Variants in SNTG2 observed in about 807,000 individuals in gnomAD.
SNTG2 encodes the protein gamma-2-syntrophin.
In SNTG2, 74 loss-of-function variants were observed where a neutral mutation model predicts 70.9. That is an observed-to-expected ratio of 1.04 (90% CI 0.86 to 1.27). The LOEUF (loss-of-function observed/expected upper bound fraction) is 1.27, where lower values mean the gene tolerates loss of function less well. Among genes scored for constraint, SNTG2 ranks in the 50% most tolerant of loss-of-function variants. The probability of loss-of-function intolerance (pLI) is 0.00; values close to 1 mark genes in which losing one functional copy is unlikely to be tolerated. For synonymous variants in SNTG2, 278 were observed against 273.8 expected, an observed-to-expected ratio of 1.02 and a Z score of -0.15; for missense variants, 717 against 690.7, an observed-to-expected ratio of 1.04 and a Z score of -0.43.
intron 4 of SNTG2, among the ~76,000 whole-genome samples, chr2:1,118,838 A>G (rs1038532121): frequency 6.6e-6 from 1 of 152,148 alleles, no homozygotes; most frequent in African/African-American, 2.4e-5. Context: ...AAAAAAGGAC[A>G]GAAAGGTTAT....
At chr2:990,307 C>A (rs1481910260) in intron 1 of SNTG2, among the ~76,000 whole-genome samples, 1 of 152,202 alleles carries the variant, frequency 6.6e-6, no homozygotes, top group African/African-American at 2.4e-5. Context: ...CCACCAGAGG[C>A]ATCTCAGTCA....
chr2:992,414 GTATT>G (rs1412334018), intron 1 of SNTG2, among the ~76,000 whole-genome samples: 2 of 152,222 alleles, frequency 1.3e-5, no homozygotes, highest in East Asian at 3.9e-4. Flanking sequence ...TCTTGATACA[GTATT>G]TAGTATTTAG....
intron 1 of SNTG2, among the ~76,000 whole-genome samples, chr2:1,003,634 G>A (rs1201546899): frequency 1.3e-5 from 2 of 152,188 alleles, no homozygotes; most frequent in Non-Finnish European, 2.9e-5. Flanking sequence ...TGGCAGGTGA[G>A]AATGGTTAGG....
rs1558349479 is a variant in SNTG2, at chr2:1,056,963, AGG to A, written c.73-26553_73-26552del. Among the ~76,000 whole-genome samples the A allele has an allele frequency of 8.1e-4, 56 of 69,080 alleles. 4 individuals carry two copies. The highest frequency in any genetic ancestry group is 3.3e-3 in the African/African-American group (55 of 16,746). The allele number at this position is 69,080 out of a possible 152,430, so 45.3% of individuals were successfully genotyped here. ...GCGCGGCGCCCCGCTGTGGGGAGGG[AGG>A]GAGGGAGAGCGCGGGGCCACCCCGT... On this transcript the variant is annotated intron_variant, in intron 1 of 16. Transcript: ENST00000308624.
At chr2:951,714 G>C (rs556137445) in intron 1 of SNTG2, among the ~76,000 whole-genome samples, 2 of 152,324 alleles carry the variant, frequency 1.3e-5, no homozygotes, top group African/African-American at 4.8e-5. Context: ...TTGGCCCAAA[G>C]AAAAACGAAA....
intron 12 of SNTG2, among the ~76,000 whole-genome samples, chr2:1,257,399 G>A (rs1572876404): frequency 6.6e-6 from 1 of 152,152 alleles, no homozygotes; most frequent in Admixed American, 6.5e-5. Flanking sequence ...ATCCCCAGGG[G>A]GAGACACGGC....
At position 1,307,379 on chromosome 2, in the gene SNTG2, T is replaced by C. The variant is rs551707334; in HGVS notation, c.1285-1115T>C. ...TCTGTATGTGTGTGTGTATATATGG[T>C]GTTAGCGGTGCACTGTGTCTGTGTG... On this transcript the variant is annotated intron_variant, in intron 14 of 16. Transcript: ENST00000308624. Among the ~76,000 whole-genome samples, 9 of 146,780 alleles carry C rather than the reference T, an allele frequency of 6.1e-5. No homozygotes were observed. The East Asian group carries it at 1.8e-3, about 30-fold the overall frequency.
chr2:1,057,790 A>C (rs986111040), intron 1 of SNTG2, among the ~76,000 whole-genome samples: 7 of 151,826 alleles, frequency 4.6e-5, no homozygotes, highest in African/African-American at 1.7e-4. Flanking sequence ...TGTGCACAGG[A>C]TCTTTCTATA....
chr2:1,175,353 G>A (rs1671403352), intron 8 of SNTG2, among the ~76,000 whole-genome samples: 1 of 152,112 alleles, frequency 6.6e-6, no homozygotes, highest in African/African-American at 2.4e-5. Context: ...TAATCAATTT[G>A]TGTCATCTGT....
chr2:1,278,682 C>T lies in SNTG2; in HGVS notation c.1284+11111C>T, dbSNP rs190022977. ...ATACCAATGCTTCTTTCTCTTTTGT[C>T]AGAACGAAGAGCAAAGAAAACCCAA... is the stretch of plus-strand genomic sequence containing the variant. On this transcript the variant is annotated intron_variant, in intron 14 of 16. Coordinates refer to ENST00000308624, the MANE Select transcript of SNTG2 (RefSeq NM_018968.4). Among the ~76,000 whole-genome samples the T allele has an allele frequency of 1.1e-4, 16 of 152,228 alleles. No homozygotes were observed. In the East Asian group the frequency reaches 1.9e-3, roughly 18 times the overall value.
chr2:1,024,285 GC>G (rs1341878082), intron 1 of SNTG2, among the ~76,000 whole-genome samples: 1 of 152,130 alleles, frequency 6.6e-6, no homozygotes, highest in African/African-American at 2.4e-5. Flanking sequence ...ACTTAACTAA[GC>G]CATACATGAT....
chr2:1,030,460 A>G (rs754925784), intron 1 of SNTG2, among the ~76,000 whole-genome samples: 12 of 152,148 alleles, frequency 7.9e-5, no homozygotes, highest in Non-Finnish European at 1.8e-4. Flanking sequence ...AACACACAAC[A>G]AGATGTACTT....
chr2:1,215,732 G>A (rs7559618), intron 9 of SNTG2, among the ~76,000 whole-genome samples: 22,322 of 137,936 alleles, frequency 0.16, 3,214 homozygotes, highest in African/African-American at 0.4. Flanking sequence ...AGGCCCTGGT[G>A]TGTGATGTTC....
At chr2:1,280,296 T>C (rs1382564977) in intron 14 of SNTG2, among the ~76,000 whole-genome samples, 1 of 152,218 alleles carries the variant, frequency 6.6e-6, no homozygotes, top group East Asian at 1.9e-4. Flanking sequence ...ACCTCCAGTT[T>C]AATTACACAA....
At chr2:1,306,928 C>T (rs1019851896) in intron 14 of SNTG2, among the ~76,000 whole-genome samples, 2 of 151,502 alleles carry the variant, frequency 1.3e-5, no homozygotes, top group Non-Finnish European at 2.9e-5. Flanking sequence ...GTGTAAGCCG[C>T]ATGCTGTGTG....
chr2:1,314,821 ACG>A (rs1681194568), intron 15 of SNTG2, among the ~76,000 whole-genome samples: 1 of 152,218 alleles, frequency 6.6e-6, no homozygotes, highest in Admixed American at 6.5e-5. Flanking sequence ...GGCATGTCTT[ACG>A]TGGTGGCAGG....
At chr2:1,234,609 C>T (rs990314718) in intron 9 of SNTG2, among the ~76,000 whole-genome samples, 4 of 152,172 alleles carry the variant, frequency 2.6e-5, no homozygotes, top group East Asian at 1.9e-4. Context: ...ATGGCATAAA[C>T]GTGCCTGGAC....
At chr2:1,247,558 C>T (rs1558593132) in intron 12 of SNTG2, 115 bp downstream of exon 12, 2 of 698,166 alleles carry the variant, frequency 2.9e-6, no homozygotes, top group Non-Finnish European at 2.5e-6. Flanking sequence ...TTGGTCCTGC[C>T]GTTTGCTGTT....
At chr2:1,256,063 G>T (rs1234076301) in intron 12 of SNTG2, among the ~76,000 whole-genome samples, 1 of 150,726 alleles carries the variant, frequency 6.6e-6, no homozygotes, top group Admixed American at 6.7e-5. Flanking sequence ...ACATCATAGG[G>T]TGTATTTACA....
Sources: gnomAD v4.1 joint callset for allele counts (sites outside exome capture counted in the v4.1 genomes callset) on GRCh38, gnomAD v4.1.1 for gene constraint, MANE v1.5 for transcripts, NCBI Gene and HGNC (gene_info 2026-07-23, HGNC 2026-07-21) for gene names.